The following INTS6 variants were observed in gnomAD, a reference collection of about 807,000 sequenced individuals.
INTS6 encodes DEAD box protein.
Under a neutral mutation model 104.9 loss-of-function variants are expected in INTS6, and 16 were observed. The observed-to-expected ratio is 0.15, with a 90% CI of 0.10 to 0.23. The LOEUF is 0.23. INTS6 is among the 10% of genes least tolerant of loss of function. The pLI, the probability that INTS6 is intolerant of heterozygous loss-of-function variation, is 1.00. For synonymous variants in INTS6, 324 were observed against 358.7 expected (o/e 0.90, Z 1.09); for missense variants, 584 against 1,062.8 (o/e 0.55, Z 6.26).
At chr13:51,366,712 T>G (rs968509288) in intron 17 of INTS6, among the ~76,000 whole-genome samples, 3 of 152,044 alleles carry the variant, frequency 2.0e-5, no homozygotes, top group African/African-American at 7.2e-5. Flanking sequence ...TAGCCTTATC[T>G]TGATCCTGCA....
chr13:51,344,528 C>A, the INTS6 span: 1 of 1,458,516 alleles, frequency 6.9e-7, no homozygotes, highest in Non-Finnish European at 9.4e-7. Flanking sequence ...AGGCAGAGGG[C>A]TGCAGAGACA....
chr13:51,450,233 T>A, intron 3 of INTS6: 1 of 984,872 alleles, frequency 1.0e-6, no homozygotes, highest in Non-Finnish European at 1.2e-6. Context: ...TATACATTGT[T>A]CAGTATCTTT....
chr13:51,452,273 C>T lies in INTS6; in HGVS notation c.111+142G>A, dbSNP rs1164258344. On this transcript the variant is annotated intron_variant, in intron 1 of 17. Coordinates refer to ENST00000311234, the MANE Select transcript of INTS6 (RefSeq NM_012141.3). The surrounding 1 kb of genome is among the most constrained non-coding windows in gnomAD (Gnocchi z 4.2). ...AACCCGGCTCGCAGCGCCCGCCCGC[C>T]CGCGCGGTGGGGGAGGGGGTCCCCG... 2 of 905,820 alleles carry T rather than the reference C, an allele frequency of 2.2e-6. No homozygotes were observed. The highest frequency in any genetic ancestry group is 3.6e-5 in the African/African-American group (2 of 56,142). The allele number at this position is 905,820 out of a possible 1,614,324, so 56.1% of individuals were successfully genotyped here.
exon 4 of INTS6, chr13:51,354,184 G>A (rs1387704826): frequency 6.6e-6 from 1 of 151,962 alleles, no homozygotes; most frequent in African/African-American, 2.4e-5. Context: ...TACTATATGT[G>A]AGATGCCACA....
In INTS6 at chr13:51,364,367, C is replaced by A; in HGVS notation, c.*1385G>T. The A allele has an allele frequency of 1.4e-6, 1 of 720,988 alleles. No individual in the cohort carries two copies. The highest frequency in any genetic ancestry group is 2.2e-6 in the Non-Finnish European group (1 of 459,830). The allele number at this position is 720,988 out of a possible 1,614,324, so 44.7% of individuals were successfully genotyped here. ...ATACCCTTGAAATTTAAAAAAATGT[C>A]TGATAAAGTGTAAAAAGCTAAGGGT... On this transcript the variant is annotated 3_prime_UTR_variant, in exon 18 of 18. Transcript: ENST00000311234.
At chr13:51,429,126 T>G (rs550467613) in intron 4 of INTS6, among the ~76,000 whole-genome samples, 1 of 152,180 alleles carries the variant, frequency 6.6e-6, no homozygotes. Flanking sequence ...TGCTAGAAAG[T>G]AGATAAACAA....
At chr13:51,447,286 AAAG>A (rs1952937314) in intron 3 of INTS6, 1 of 152,194 alleles carries the variant, frequency 6.6e-6, no homozygotes, top group South Asian at 2.1e-4. Flanking sequence ...CAGCCTTCAA[AAAG>A]AAGCCTGTAT....
At chr13:51,391,639 C>T (rs184853733) in intron 5 of INTS6, among the ~76,000 whole-genome samples, 1 of 152,090 alleles carries the variant, frequency 6.6e-6, no homozygotes, top group African/African-American at 2.4e-5. Context: ...TTAGCACACA[C>T]CTTCAAGTCA....
the INTS6 span, among the ~76,000 whole-genome samples, chr13:51,342,312 G>A: frequency 1.3e-5 from 2 of 152,032 alleles, no homozygotes; most frequent in Non-Finnish European, 2.9e-5. Context: ...GGGCAGTAAA[G>A]CCCCACCACC....
intron 10 of INTS6, among the ~76,000 whole-genome samples, chr13:51,381,034 T>C (rs1424915219): frequency 1.3e-5 from 2 of 152,220 alleles, no homozygotes; most frequent in Non-Finnish European, 2.9e-5. Flanking sequence ...GTTGCATCTG[T>C]ACTGAACATA....
In INTS6 at chr13:51,449,701, C is replaced by G. The variant is rs1449766126; in HGVS notation, c.339+1324G>C. ...CCTTAAGCAGTAAGACTGTGTTGCA[C>G]TACATATCACAAAGGAATATAAAAG... On this transcript the variant is annotated intron_variant, in intron 3 of 17. Coordinates refer to ENST00000311234, the MANE Select transcript of INTS6 (RefSeq NM_012141.3). 6 of 985,116 alleles carry G rather than the reference C, an allele frequency of 6.1e-6. No individual in the cohort carries two copies. In the African/African-American group the frequency reaches 1.0e-4, roughly 17 times the overall value. 61.0% of individuals were successfully genotyped at this position (985,116 alleles called of 1,614,324 possible). A position where few individuals can be genotyped will look rare whatever the true frequency, so the allele number is the denominator to read the frequency against.
At chr13:51,351,102 C>T (rs1035738697), downstream of INTS6, among the ~76,000 whole-genome samples, 2 of 152,076 alleles carry the variant, frequency 1.3e-5, no homozygotes, top group East Asian at 3.8e-4. Context: ...TCTTGGCCAC[C>T]AGAAACAATC....
At chr13:51,340,016 A>G in the INTS6 span, among the ~76,000 whole-genome samples, 1 of 152,182 alleles carries the variant, frequency 6.6e-6, no homozygotes, top group Non-Finnish European at 1.5e-5. Context: ...GGGTTGGAAA[A>G]AAGAGAAGAT....
chr13:51,434,029 T>C (rs760335438), intron 3 of INTS6, among the ~76,000 whole-genome samples: 2 of 152,240 alleles, frequency 1.3e-5, no homozygotes, highest in Non-Finnish European at 2.9e-5. Flanking sequence ...GGTCTTTCTG[T>C]ACCACCTGGA....
chr13:51,449,929 A>G, intron 3 of INTS6: 3 of 985,142 alleles, frequency 3.0e-6, no homozygotes, highest in Non-Finnish European at 3.6e-6. Context: ...TGTACATTTT[A>G]AATGTTATAG....
chr13:51,353,591 G>A (rs1405073377), downstream of INTS6, among the ~76,000 whole-genome samples: 1 of 152,152 alleles, frequency 6.6e-6, no homozygotes, highest in Non-Finnish European at 1.5e-5. Context: ...TTTTCAAAAA[G>A]GATGTGTTTT....
At chr13:51,360,636 C>G (rs1367848660), downstream of INTS6, among the ~76,000 whole-genome samples, 1 of 152,034 alleles carries the variant, frequency 6.6e-6, no homozygotes, top group African/African-American at 2.4e-5. Flanking sequence ...TTATACTAAC[C>G]TCTCATTTGC....
At chr13:51,347,016 T>G in the INTS6 span, 1 of 1,566,264 alleles carries the variant, frequency 6.4e-7, no homozygotes. Context: ...CTTGCTTTCC[T>G]GCTTGCAGGT....
intron 4 of INTS6, chr13:51,402,500 C>T (rs1593712431): frequency 1.3e-5 from 2 of 152,186 alleles, no homozygotes; most frequent in African/African-American, 4.8e-5. Context: ...GGCAAAGTTT[C>T]AGTCTAATGG....
Sources: gnomAD v4.1 joint callset for allele counts (sites outside exome capture counted in the v4.1 genomes callset) on GRCh38, gnomAD v4.1.1 for gene constraint, Gnocchi (gnomAD v3.1) non-coding constraint, MANE v1.5 for transcripts, NCBI Gene and HGNC (gene_info 2026-07-23, HGNC 2026-07-21) for gene names.